Variants in PALM2AKAP2 observed in about 807,000 individuals in gnomAD.
PALM2AKAP2 encodes the protein PALM2-AKAP2 fusion protein.
PALM2AKAP2 carries 37 observed loss-of-function variants against 71.5 expected under a neutral mutation model. The ratio of observed to expected loss-of-function variants is 0.52; its 90% CI spans 0.40 to 0.68. The LOEUF (loss-of-function observed/expected upper bound fraction) is 0.68, where lower values mean the gene tolerates loss of function less well. Among genes scored for constraint, PALM2AKAP2 ranks in the 30% least tolerant of loss-of-function variants. The pLI is 0.00. For synonymous variants in PALM2AKAP2, 468 were observed against 478.8 expected, an observed-to-expected ratio of 0.98 and a Z score of 0.29; for missense variants, 1,224 against 1,191.8, an observed-to-expected ratio of 1.03 and a Z score of -0.40.
chr9:110,003,983 A>G (rs1300571643), intron 6 of PALM2AKAP2, among the ~76,000 whole-genome samples: 2 of 152,154 alleles, frequency 1.3e-5, no homozygotes, highest in African/African-American at 2.4e-5. Context: ...CTCTTTGTCT[A>G]ATTTGCCAGT....
chr9:110,120,736 C>T (rs1227966521), intron 1 of PALM2AKAP2, among the ~76,000 whole-genome samples: 1 of 152,188 alleles, frequency 6.6e-6, no homozygotes, highest in Admixed American at 6.5e-5. Context: ...AACTCCTGAC[C>T]TCAGGTGATT....
intron 6 of PALM2AKAP2, among the ~76,000 whole-genome samples, chr9:110,005,823 G>A (rs1242193536): frequency 2.0e-5 from 3 of 152,226 alleles, no homozygotes; most frequent in African/African-American, 7.2e-5. Context: ...GACCCTCTGA[G>A]CCAGGCGTGG....
chr9:109,930,550 T>C (rs1359037536), intron 5 of PALM2AKAP2, among the ~76,000 whole-genome samples: 2 of 152,188 alleles, frequency 1.3e-5, no homozygotes, highest in Non-Finnish European at 1.5e-5. Context: ...TTAGCGATAC[T>C]CTACCTTTGC....
Position 109,847,280 on chromosome 9 carries a change from A to G in PALM2AKAP2, c.46-20211A>G, listed in dbSNP as rs533491635. On this transcript the variant is annotated intron_variant, in intron 1 of 9. Coordinates refer to the PALM2AKAP2 transcript ENST00000302798. ...AAGGGGAGAAGGCAATGCGATCACC[A>G]CTAGGTAGAGGTTAGAGGGATGCAC... Among the ~76,000 whole-genome samples the G allele has an allele frequency of 8.5e-5, 13 of 152,280 alleles. No homozygotes were observed. In the South Asian group the frequency reaches 2.7e-3, roughly 32 times the overall value.
At chr9:109,992,519 A>C (rs922100334) in intron 6 of PALM2AKAP2, among the ~76,000 whole-genome samples, 1 of 152,142 alleles carries the variant, frequency 6.6e-6, no homozygotes. Context: ...CCTGGGCTCA[A>C]GTGATTCTCC....
At chr9:109,786,062 T>A (rs1032785647) in intron 1 of PALM2AKAP2, among the ~76,000 whole-genome samples, 1 of 152,262 alleles carries the variant, frequency 6.6e-6, no homozygotes, top group African/African-American at 2.4e-5. Flanking sequence ...TATACGCTGT[T>A]GGCCTAGGCT....
intron 1 of PALM2AKAP2, among the ~76,000 whole-genome samples, chr9:109,815,542 G>A (rs958547957): frequency 1.3e-5 from 2 of 152,128 alleles, no homozygotes; most frequent in Admixed American, 1.3e-4. Flanking sequence ...ACAGAAACAG[G>A]GGGGTAGGTG....
At chr9:110,167,985 A>C (rs972163826) in intron 3 of PALM2AKAP2, among the ~76,000 whole-genome samples, 1 of 152,200 alleles carries the variant, frequency 6.6e-6, no homozygotes, top group Non-Finnish European at 1.5e-5. Context: ...CAAGTGCTCA[A>C]TAGCCACGTA....
intron 1 of PALM2AKAP2, among the ~76,000 whole-genome samples, chr9:109,821,926 G>GA (rs1194773396): frequency 2.0e-5 from 3 of 152,186 alleles, no homozygotes; most frequent in East Asian, 3.9e-4. Context: ...TTTTTGTAAT[G>GA]AAAAAAACAG....
At chr9:110,001,153 C>T (rs1008777322) in intron 6 of PALM2AKAP2, among the ~76,000 whole-genome samples, 17 of 152,216 alleles carry the variant, frequency 1.1e-4, no homozygotes, top group African/African-American at 4.1e-4. Flanking sequence ...TTAGGTCTAA[C>T]ATTTAAGTCT....
chr9:109,794,404 A>ATTTT (rs57551115), intron 1 of PALM2AKAP2, among the ~76,000 whole-genome samples: 33 of 143,778 alleles, frequency 2.3e-4, no homozygotes, highest in African/African-American at 8.2e-4. Context: ...TTCCAGGTGT[A>ATTTT]TTTTTTTTTT....
At chr9:110,022,231 T>C (rs1037655042) in intron 7 of PALM2AKAP2, among the ~76,000 whole-genome samples, 2 of 152,222 alleles carry the variant, frequency 1.3e-5, no homozygotes, top group Non-Finnish European at 2.9e-5. Context: ...ACTGTAGCTT[T>C]CTTTTTAAAA....
intron 1 of PALM2AKAP2, among the ~76,000 whole-genome samples, chr9:110,057,389 G>GTTTTTTT (rs563181651): frequency 1.5e-5 from 2 of 129,838 alleles, no homozygotes. Context: ...TTGTTTTTTT[G>GTTTTTTT]TTTTTTTTTT....
In PALM2AKAP2 at chr9:110,079,442, G is replaced by A. The variant is rs1269680667; in HGVS notation, c.156+30587G>A. On this transcript the variant is annotated intron_variant, in intron 1 of 3. Transcript: ENST00000374525. ...ACTCAGGAGGCGGATGTTGCAGTGA[G>A]CCGAGATCGTGCCACTGGACTCCAG... 2.0e-5 allele frequency among the ~76,000 whole-genome samples: 3 copies of A among 152,142 alleles called. No individual in the cohort carries two copies. In the East Asian group the frequency reaches 5.8e-4, roughly 29 times the overall value.
At chr9:109,987,995 A>G (rs754535362) in intron 6 of PALM2AKAP2, among the ~76,000 whole-genome samples, 5 of 152,234 alleles carry the variant, frequency 3.3e-5, no homozygotes, top group East Asian at 1.9e-4. Context: ...AGTCCCTGGC[A>G]AGGGACATAG....
intron 6 of PALM2AKAP2, among the ~76,000 whole-genome samples, chr9:109,949,405 C>T (rs996489715): frequency 6.6e-6 from 1 of 151,904 alleles, no homozygotes; most frequent in East Asian, 1.9e-4. Flanking sequence ...TCGTTATAGT[C>T]GAAGATGAGT....
intron 1 of PALM2AKAP2, among the ~76,000 whole-genome samples, chr9:109,771,219 G>C (rs1044010086): frequency 2.0e-5 from 3 of 152,196 alleles, no homozygotes; most frequent in African/African-American, 7.2e-5. Context: ...AATTAGGAGG[G>C]ATAACCCCTT....
At chr9:110,020,283 G>A (rs1833050663) in intron 7 of PALM2AKAP2, among the ~76,000 whole-genome samples, 1 of 152,160 alleles carries the variant, frequency 6.6e-6, no homozygotes, top group South Asian at 2.1e-4. Flanking sequence ...ATGTTTTGAA[G>A]GTGCTTGCTT....
chr9:109,902,062 A>G (rs1307731734), intron 3 of PALM2AKAP2, among the ~76,000 whole-genome samples: 1 of 152,146 alleles, frequency 6.6e-6, no homozygotes, highest in Non-Finnish European at 1.5e-5. Flanking sequence ...GTTCCCAAAG[A>G]CTGAGCAGGA....
Sources: gnomAD v4.1 joint callset for allele counts (sites outside exome capture counted in the v4.1 genomes callset) on GRCh38, gnomAD v4.1.1 for gene constraint, MANE v1.5 for transcripts, NCBI Gene and HGNC (gene_info 2026-07-23, HGNC 2026-07-21) for gene names.